NECAB2: variants seen among roughly 807,000 people sequenced by gnomAD.
The protein encoded by NECAB2 is N-terminal EF-hand calcium binding protein 2, also known as N-terminal EF-hand calcium-binding protein 2.
Under a neutral mutation model 51.9 loss-of-function variants are expected in NECAB2, and 68 were observed. The observed-to-expected ratio is 1.31, with a 90% CI of 1.08 to 1.60. The LOEUF is 1.60. Ranked by LOEUF, NECAB2 falls within the 40% of genes most tolerant of loss-of-function variation. The probability of loss-of-function intolerance (pLI) is 0.00; values close to 1 mark genes in which losing one functional copy is unlikely to be tolerated. For missense variants in NECAB2, 854 were observed against 490.3 expected (o/e 1.74, Z -7.00); for synonymous variants, 329 against 203.5 (o/e 1.62, Z -5.25).
At position 83,980,282 on chromosome 16, in the gene NECAB2, G is replaced by T. The variant is rs117245781; in HGVS notation, c.336-557G>T. ...CCAGCACTGCACCCCTTATCTTGGG[G>T]CCGGTCTGTGCTCCTTCACTGCCAT... On this transcript the variant is annotated intron_variant, in intron 3 of 12. Coordinates refer to ENST00000305202, the MANE Select transcript of NECAB2 (RefSeq NM_019065.3). 3.7e-3 allele frequency among the ~76,000 whole-genome samples: 557 copies of T among 152,298 alleles called. 11 individuals are homozygous for T. The East Asian group carries it at 0.043, about 12-fold the overall frequency.
intron 6 of NECAB2, among the ~76,000 whole-genome samples, chr16:83,991,595 T>A (rs1044447100): frequency 1.1e-4 from 17 of 151,194 alleles, no homozygotes; most frequent in African/African-American, 4.1e-4. Context: ...TTTAGGGTGA[T>A]CCACCCGCCT....
intron 9 of NECAB2, 89 bp downstream of exon 9, chr16:83,997,358 CGCTCTCCCT>C: frequency 6.6e-7 from 1 of 1,525,432 alleles, no homozygotes; most frequent in Non-Finnish European, 9.0e-7. Context: ...CCCCTGACCC[CGCTCTCCCT>C]GCTTGGGACC....
chr16:83,995,046 C>T (rs755467628), intron 8 of NECAB2, among the ~76,000 whole-genome samples: 12 of 152,016 alleles, frequency 7.9e-5, no homozygotes, highest in Non-Finnish European at 1.6e-4. Flanking sequence ...AGATATTGGC[C>T]GAAAGGCAGC....
intron 11 of NECAB2, among the ~76,000 whole-genome samples, chr16:84,001,358 T>G (rs1325360453): frequency 6.6e-6 from 1 of 151,898 alleles, no homozygotes; most frequent in Non-Finnish European, 1.5e-5. Context: ...CATGCCCCCA[T>G]CTCCTGCTTC....
chr16:83,997,748 C>T (rs929156066), intron 9 of NECAB2, among the ~76,000 whole-genome samples: 1 of 152,068 alleles, frequency 6.6e-6, no homozygotes, highest in African/African-American at 2.4e-5. Flanking sequence ...CCACCTTGGC[C>T]TCCTAAAGTG....
At chr16:84,001,296 T>C (rs1459103357) in intron 11 of NECAB2, among the ~76,000 whole-genome samples, 4 of 151,528 alleles carry the variant, frequency 2.6e-5, no homozygotes. Context: ...GGGTGGAGAC[T>C]ATTGCTGATG....
At chr16:83,976,840 C>T (rs180887691) in intron 2 of NECAB2, among the ~76,000 whole-genome samples, 2 of 152,350 alleles carry the variant, frequency 1.3e-5, no homozygotes, top group Admixed American at 6.5e-5. Flanking sequence ...AGGACCCCCC[C>T]TCTCCTGAGC....
intron 5 of NECAB2, among the ~76,000 whole-genome samples, chr16:83,981,391 A>G (rs2084487405): frequency 6.7e-6 from 1 of 149,322 alleles, no homozygotes; most frequent in African/African-American, 2.6e-5. Flanking sequence ...GGGTGGCCGC[A>G]ATCACCCTGT....
chr16:83,973,334 G>C (rs75091786), intron 2 of NECAB2, among the ~76,000 whole-genome samples: 3,105 of 152,250 alleles, frequency 0.02, 117 homozygotes, highest in Admixed American at 0.082. Context: ...GGCGGTTGCA[G>C]GGTGGAGTTG....
intron 6 of NECAB2, chr16:83,993,518 T>A (rs958050388): frequency 6.5e-6 from 1 of 154,292 alleles, no homozygotes; most frequent in African/African-American, 2.4e-5. Flanking sequence ...TGTTTCTGTA[T>A]GTCTGCCAGG....
At chr16:83,990,659 A>AT in intron 6 of NECAB2, 29 bp downstream of exon 6, 1 of 1,612,744 alleles carries the variant, frequency 6.2e-7, no homozygotes, top group Non-Finnish European at 8.5e-7. Flanking sequence ...GCAGGGTCCC[A>AT]TGGGGGTATG....
intron 6 of NECAB2, among the ~76,000 whole-genome samples, chr16:83,992,336 G>C (rs922819223): frequency 1.3e-5 from 2 of 150,678 alleles, no homozygotes; most frequent in Non-Finnish European, 1.5e-5. Flanking sequence ...CGACATTCTC[G>C]TGGCTCAGCA....
intron 6 of NECAB2, among the ~76,000 whole-genome samples, chr16:83,991,361 T>G (rs914931226): frequency 1.2e-4 from 17 of 138,240 alleles, no homozygotes; most frequent in Non-Finnish European, 2.2e-4. Flanking sequence ...TCCTTTTCTT[T>G]TCTTTTCTTT....
upstream of NECAB2, among the ~76,000 whole-genome samples, chr16:83,967,890 A>G: frequency 6.9e-6 from 1 of 145,262 alleles, no homozygotes; most frequent in Non-Finnish European, 1.5e-5. Flanking sequence ...GGGTGGGTGG[A>G]TGGATGGACG....
At chr16:83,998,653 G>T (rs903262299) in intron 10 of NECAB2, among the ~76,000 whole-genome samples, 1 of 152,188 alleles carries the variant, frequency 6.6e-6, no homozygotes, top group Non-Finnish European at 1.5e-5. Context: ...TGTGCCCCGT[G>T]CGCTCAGTCA....
chr16:83,969,436 C>T (rs565689005), intron 1 of NECAB2, among the ~76,000 whole-genome samples: 1 of 152,100 alleles, frequency 6.6e-6, no homozygotes, highest in African/African-American at 2.4e-5. Context: ...AGAGCCATCG[C>T]CCATCAGCCC....
At chr16:84,000,575 T>G (rs1175970950) in intron 10 of NECAB2, 149 bp from the exon 11 acceptor site, 4 of 606,364 alleles carry the variant, frequency 6.6e-6, no homozygotes, top group Non-Finnish European at 8.8e-6. Context: ...GGGGTCACCC[T>G]GTCGAGTCTC....
chr16:83,987,369 T>C (rs1001325355), intron 5 of NECAB2, among the ~76,000 whole-genome samples: 1 of 152,210 alleles, frequency 6.6e-6, no homozygotes, highest in African/African-American at 2.4e-5. Flanking sequence ...TTCTAATGGT[T>C]TTCCTTTCTA....
chr16:83,994,573 A>T, intron 7 of NECAB2, 36 bp from the exon 8 acceptor site: 1 of 1,613,272 alleles, frequency 6.2e-7, no homozygotes, highest in Admixed American at 1.7e-5. Flanking sequence ...CGTCCTGCCC[A>T]CCACTGAAGT....
Sources: gnomAD v4.1 joint callset for allele counts (sites outside exome capture counted in the v4.1 genomes callset) on GRCh38, gnomAD v4.1.1 for gene constraint, MANE v1.5 for transcripts, NCBI Gene and HGNC (gene_info 2026-07-23, HGNC 2026-07-21) for gene names.